FSCN2: variants seen among roughly 807,000 people sequenced by gnomAD.
The protein encoded by FSCN2 is fascin-2.
FSCN2 carries 46 observed loss-of-function variants against 37.8 expected under a neutral mutation model. The observed-to-expected ratio is 1.22, with a 90% CI of 0.96 to 1.56. FSCN2 has a LOEUF of 1.56. Ranked by LOEUF, FSCN2 falls within the 40% of genes most tolerant of loss-of-function variation. The pLI, the probability that FSCN2 is intolerant of heterozygous loss-of-function variation, is 0.00. For missense variants in FSCN2, 844 were observed against 730.4 expected, an observed-to-expected ratio of 1.16 and a Z score of -1.79; for synonymous variants, 351 against 309.4, an observed-to-expected ratio of 1.13 and a Z score of -1.41.
chr17:81,526,311 C>T (rs1269738389), upstream of FSCN2, among the ~76,000 whole-genome samples: 6 of 152,218 alleles, frequency 3.9e-5, no homozygotes, highest in African/African-American at 1.2e-4. Flanking sequence ...CCCCACCGCT[C>T]ACGGACCAAC....
chr17:81,524,919 A>ACACACACACACACACC (rs10677990), upstream of FSCN2, among the ~76,000 whole-genome samples: 43 of 142,558 alleles, frequency 3.0e-4, no homozygotes, highest in African/African-American at 6.1e-4. Context: ...ACACACACAC[A>ACACACACACACACACC]CCACACTCAC....
At chr17:81,522,558 G>T in the FSCN2 span, among the ~76,000 whole-genome samples, 1 of 152,232 alleles carries the variant, frequency 6.6e-6, no homozygotes, top group Non-Finnish European at 1.5e-5. Flanking sequence ...ACGGTTCCTG[G>T]CACACCTGGC....
At chr17:81,521,883 A>G in the FSCN2 span, among the ~76,000 whole-genome samples, 3 of 152,214 alleles carry the variant, frequency 2.0e-5, no homozygotes, top group African/African-American at 4.8e-5. Flanking sequence ...TGTTTATCCA[A>G]TTGACAGGCA....
At chr17:81,536,412 A>G (rs949059951) in intron 3 of FSCN2, 145 bp downstream of exon 3, 2 of 1,439,282 alleles carry the variant, frequency 1.4e-6, no homozygotes, top group East Asian at 2.5e-5. Flanking sequence ...TTGCTAGTCA[A>G]GATAACTCGT....
upstream of FSCN2, among the ~76,000 whole-genome samples, chr17:81,524,851 AC>A (rs2032299462): frequency 1.4e-5 from 2 of 146,544 alleles, no homozygotes; most frequent in South Asian, 4.3e-4. Flanking sequence ...CCAGCAGGCG[AC>A]TCTTCTGGCA....
upstream of FSCN2, chr17:81,527,889 G>A (rs148361043): frequency 4.2e-3 from 643 of 154,494 alleles, no homozygotes; most frequent in Middle Eastern, 0.026. Context: ...GGGTGGAGGC[G>A]ACCTGGGCTG....
At chr17:81,515,179 C>T in the FSCN2 span, among the ~76,000 whole-genome samples, 2 of 152,164 alleles carry the variant, frequency 1.3e-5, no homozygotes, top group Non-Finnish European at 2.9e-5. Context: ...GGCTGGACCG[C>T]GCGCTGTGAT....
chr17:81,524,161 G>A (rs535708836), upstream of FSCN2, among the ~76,000 whole-genome samples: 31 of 152,342 alleles, frequency 2.0e-4, no homozygotes, highest in African/African-American at 6.7e-4. Context: ...GACACCAGGT[G>A]CCGGTGGGGG....
upstream of FSCN2, chr17:81,528,339 G>A (rs189394114): frequency 2.4e-3 from 1,389 of 587,736 alleles, 2 homozygotes; most frequent in African/African-American, 2.7e-3. Context: ...TGCTGCCCGC[G>A]GGCCCTCTAA....
At chr17:81,531,318 A>ATGGTGGTGATGGTGATGATGG (rs781882828) in intron 1 of FSCN2, among the ~76,000 whole-genome samples, 2 of 39,902 alleles carry the variant, frequency 5.0e-5, no homozygotes, top group African/African-American at 2.1e-4. Context: ...GGTGGTGGTG[A>ATGGTGGTGATGGTGATGATGG]TGATGGTGGT....
intron 1 of FSCN2, among the ~76,000 whole-genome samples, chr17:81,531,429 ATGGAGATGG>A (rs1568077365): frequency 2.4e-5 from 1 of 42,308 alleles, no homozygotes; most frequent in African/African-American, 9.3e-5. Flanking sequence ...GATAGTGATG[ATGGAGATGG>A]TGGTGATGGT....
chr17:81,523,382 GCGGCCCCCTCGCC>G (rs2032260532), upstream of FSCN2, among the ~76,000 whole-genome samples: 1 of 152,358 alleles, frequency 6.6e-6, no homozygotes, highest in Non-Finnish European at 1.5e-5. Context: ...AAAGAGAAGT[GCGGCCCCCTCGCC>G]CGTGTAAGTG....
chr17:81,529,565 G>C (rs376837675), intron 1 of FSCN2: 1 of 758,260 alleles, frequency 1.3e-6, no homozygotes, highest in Non-Finnish European at 2.4e-6. Flanking sequence ...CCACTGAGGG[G>C]TGGTGGCTTC....
At chr17:81,531,944 G>T (rs796623690) in intron 1 of FSCN2, among the ~76,000 whole-genome samples, 3 of 108,132 alleles carry the variant, frequency 2.8e-5, no homozygotes, top group Non-Finnish European at 6.1e-5. Context: ...TGATAATGGT[G>T]ATGATGATGG....
At chr17:81,515,383 T>C in the FSCN2 span, among the ~76,000 whole-genome samples, 1 of 151,698 alleles carries the variant, frequency 6.6e-6, no homozygotes, top group African/African-American at 2.4e-5. Flanking sequence ...GCCGGGAGAG[T>C]CGGCAGCTGC....
In FSCN2 at chr17:81,537,018, G is replaced by T. The variant is rs1405782570; in HGVS notation, c.1417G>T (p.Ala473Ser). The change falls in exon 5 of 5, where the codon GCC becomes TCC. Residue 473 changes from alanine to serine, a missense_variant. Ala to Ser is a moderately conservative substitution (Grantham distance 99, BLOSUM62 1). Transcript: ENST00000417245. Reference protein sequence around the residue: ...ARSGKYLRGGASGLLRADADA... With the variant: ...ARSGKYLRGGSSGLLRADADA... ...GAGCGGCAAGTACCTGCGCGGCGGC[G>T]CCTCGGGCCTGCTGCGGGCCGATGC... 9 of 1,501,246 alleles carry T rather than the reference G, an allele frequency of 6.0e-6. No individual in the cohort carries two copies. Among genetic ancestry groups the T allele is most frequent in the Non-Finnish European group, 7.1e-6 (8 of 1,131,770 alleles). The allele number at this position is 1,501,246 out of a possible 1,614,324, so 93.0% of individuals were successfully genotyped here.
the FSCN2 span, among the ~76,000 whole-genome samples, chr17:81,519,872 C>T: frequency 6.6e-6 from 1 of 152,204 alleles, no homozygotes; most frequent in Non-Finnish European, 1.5e-5. Flanking sequence ...GCCCTGGGTG[C>T]GGGGCGTTTT....
Position 81,536,894 on chromosome 17 carries a change from G to C in FSCN2, c.1293G>C (p.Trp431Cys). 1 of 1,578,166 alleles carries C rather than the reference G, an allele frequency of 6.3e-7. No homozygotes were observed. Among genetic ancestry groups the C allele is most frequent in the Non-Finnish European group, 8.6e-7 (1 of 1,164,186 alleles). Residue 431 changes from tryptophan (W) to cysteine (C), a missense_variant, in exon 5 of 5, where the codon TGG becomes TGC. By Grantham distance (215) the Trp-to-Cys change is radical. Coordinates refer to ENST00000417245, the MANE Select transcript of FSCN2 (RefSeq NM_012418.4). Reference protein sequence around the residue: ...YRIRGRDGGFWYTGSHGSVCS... With the variant: ...YRIRGRDGGFCYTGSHGSVCS... Reference sequence around the variant, plus strand: ...CCCCAGGCCGCGACGGAGGGTTCTGGTACACGGGCAGCCACGGCAGCGTGT... The same window carrying C: ...CCCCAGGCCGCGACGGAGGGTTCTGCTACACGGGCAGCCACGGCAGCGTGT...
intron 1 of FSCN2, chr17:81,530,707 G>C (rs1480230217): frequency 6.5e-6 from 3 of 464,708 alleles, no homozygotes; most frequent in Non-Finnish European, 1.3e-5. Flanking sequence ...TCTGGGGCCA[G>C]ATGGCAGAGG....
Sources: allele counts gnomAD v4.1 joint callset (sites outside exome capture counted in the v4.1 genomes callset), GRCh38; gene constraint gnomAD v4.1.1; transcripts MANE v1.5; gene names NCBI Gene and HGNC (gene_info 2026-07-23, HGNC 2026-07-21).